Variants in SUOX observed in about 807,000 individuals in gnomAD.
The protein encoded by SUOX is sulfite oxidase.
A neutral mutation model predicts 41.9 loss-of-function variants in SUOX; 39 were observed. The ratio of observed to expected loss-of-function variants is 0.93; its 90% CI spans 0.72 to 1.21. SUOX has a LOEUF of 1.21. Ranked by LOEUF, SUOX falls within the 50% of genes most tolerant of loss-of-function variation. The pLI is 0.00. For synonymous variants in SUOX, 220 were observed against 268.4 expected, an observed-to-expected ratio of 0.82 and a Z score of 1.76; for missense variants, 633 against 689.5, an observed-to-expected ratio of 0.92 and a Z score of 0.92.
At position 56,004,523 on chromosome 12, in the gene SUOX, C is replaced by T. The variant is rs771200056; in HGVS notation, c.1134C>T (p.Val378=). The T allele has an allele frequency of 1.9e-6, 3 of 1,613,988 alleles. No individual in the cohort carries two copies. Residue 378 remains valine, a synonymous_variant, in exon 5 of 5, where the codon GTC becomes GTT. Transcript: ENST00000266971. The surrounding 1 kb of genome is among the most constrained non-coding windows in gnomAD (Gnocchi z 4.5). ...CTGGAGTGGTGGGTGCCCGCCATGTCAAATGGCTGGGCAGAGTGAGTGTGC... is the reference window on the plus strand; with the variant it reads ...CTGGAGTGGTGGGTGCCCGCCATGTTAAATGGCTGGGCAGAGTGAGTGTGC... The part of the protein sequence containing the change: ...VVPGVVGARH[V]KWLGRVSVQP...
intron 2 of SUOX, chr12:55,999,703 G>A (rs1890440555): frequency 6.6e-6 from 1 of 152,224 alleles, no homozygotes. Flanking sequence ...GACCCAAGCG[G>A]GTTGCCACTG....
chr12:56,001,046 A>G (rs1370772744), intron 2 of SUOX, among the ~76,000 whole-genome samples: 1 of 151,276 alleles, frequency 6.6e-6, no homozygotes, highest in Non-Finnish European at 1.5e-5. Context: ...CAGCCTCCCA[A>G]AGTGCTGGGA....
At position 56,002,730 on chromosome 12, in the gene SUOX, G is replaced by T. The variant is rs1890580805; in HGVS notation, c.228+10G>T. 1 of 1,613,780 alleles carries T rather than the reference G, an allele frequency of 6.2e-7. No individual in the cohort carries two copies. Among genetic ancestry groups the T allele is most frequent in the African/African-American group, 1.3e-5 (1 of 74,912 alleles). Reference sequence around the variant, plus strand: ...GGACCATCGGTGTAGGGTAAGTAGGGAAAGTGCTTCATTGTCAGAACAGAC... The same window carrying T: ...GGACCATCGGTGTAGGGTAAGTAGGTAAAGTGCTTCATTGTCAGAACAGAC... On this transcript the variant is annotated intron_variant, in intron 4 of 4. Transcript: ENST00000266971.
chr12:55,997,447 A>G (rs1297388705), intron 1 of SUOX, 108 bp downstream of exon 1: 1 of 152,088 alleles, frequency 6.6e-6, no homozygotes, highest in East Asian at 1.9e-4. Context: ...GGGCAACAAA[A>G]CTATCAGTAC....
At chr12:55,998,210 A>G (rs903516988) in intron 2 of SUOX, among the ~76,000 whole-genome samples, 3 of 152,108 alleles carry the variant, frequency 2.0e-5, no homozygotes, top group African/African-American at 4.8e-5. Flanking sequence ...TCAGTTAGCT[A>G]TGGTCAACCG....
intron 4 of SUOX, chr12:56,003,032 C>CAA (rs34305778): frequency 2.1e-3 from 455 of 217,986 alleles, no homozygotes; most frequent in South Asian, 5.8e-3. Context: ...GACTCCATCT[C>CAA]AAAAAAAAAA....
rs75679657 is a variant in SUOX, at chr12:56,004,563, T to C, written c.1174T>C (p.Tyr392His). 1 of 1,614,188 alleles carries C rather than the reference T, an allele frequency of 6.2e-7. No individual in the cohort carries two copies. The highest frequency in any genetic ancestry group is 8.5e-7 in the Non-Finnish European group (1 of 1,180,022). The change falls in exon 5 of 5, where the codon TAC becomes CAC. Residue 392 changes from tyrosine (Y) to histidine (H), a missense_variant. By Grantham distance (83) the Tyr-to-His change is moderately conservative. Transcript: ENST00000266971. This position sits in a 1 kb window ranked among gnomAD's most constrained non-coding sequence, Gnocchi z 4.5. ...GRVSVQPEES[Y>H]SHWQRRDYKG... ...AGTGAGTGTGCAGCCAGAGGAAAGT[T>C]ACAGCCACTGGCAACGGCGGGATTA... is the stretch of plus-strand genomic sequence containing the variant.
chr12:56,002,751 C>G (rs765311911), intron 4 of SUOX, 31 bp downstream of exon 4: 2 of 1,613,096 alleles, frequency 1.2e-6, no homozygotes, highest in Non-Finnish European at 1.7e-6. Context: ...ATTGTCAGAA[C>G]AGACTGGGTG....
rs1204943226 is a variant in SUOX at position 56,003,625 on chromosome 12, A to G, written c.236A>G (p.Gln79Arg). 1.2e-6 allele frequency: 2 copies of G among 1,614,024 alleles called. No individual in the cohort carries two copies. The highest frequency in any genetic ancestry group is 2.7e-5 in the African/African-American group (2 of 74,928). The stretch of plus-strand genomic sequence containing the variant: ...CTCCTTCCCTGCCAATAGGCTGCTC[A>G]GGAGTCAACACACATATACACTAAG... ...AYQDHRCRAA[Q>R]ESTHIYTKEE... The change falls in exon 5 of 5, where the codon CAG becomes CGG. Residue 79 changes from glutamine (Q) to arginine (R), a missense_variant. Transcript: ENST00000266971.
intron 2 of SUOX, among the ~76,000 whole-genome samples, chr12:55,998,967 C>G (rs1890410658): frequency 6.6e-6 from 1 of 151,868 alleles, no homozygotes; most frequent in African/African-American, 2.4e-5. Context: ...CAGGCACCAC[C>G]ATGCCCAGTT....
At chr12:55,998,121 G>C (rs1890374968) in intron 2 of SUOX, among the ~76,000 whole-genome samples, 1 of 152,140 alleles carries the variant, frequency 6.6e-6, no homozygotes, top group African/African-American at 2.4e-5. Context: ...AATGGAGGGA[G>C]AGTTGGGGAC....
intron 1 of SUOX, 112 bp from the exon 2 acceptor site, chr12:55,997,498 GGGTGT>G (rs1250339233): frequency 3.3e-5 from 5 of 152,334 alleles, no homozygotes; most frequent in African/African-American, 1.2e-4. Context: ...TGAGATCGCG[GGGTGT>G]TGCCGCAAGA....
At chr12:56,002,804 G>A in intron 4 of SUOX, 84 bp downstream of exon 4, 1 of 1,551,706 alleles carries the variant, frequency 6.4e-7, no homozygotes, top group Non-Finnish European at 8.8e-7. Context: ...GGAGGCCAAG[G>A]TGGGTGGGTC....
Position 56,005,313 on chromosome 12 carries a change from A to T in SUOX, c.*286A>T. The T allele has an allele frequency of 3.4e-6, 2 of 589,228 alleles. No individual in the cohort carries two copies. The highest frequency in any genetic ancestry group is 6.0e-6 in the Non-Finnish European group (2 of 330,992). 36.5% of individuals were successfully genotyped at this position (589,228 alleles called of 1,614,324 possible). A position where few individuals can be genotyped will look rare whatever the true frequency, so the allele number is the denominator to read the frequency against. On this transcript the variant is annotated 3_prime_UTR_variant, in exon 5 of 5. Coordinates refer to ENST00000266971, the MANE Select transcript of SUOX (RefSeq NM_001032386.2). ...AAGCACTATTTTCTCTTCCTACCCC[A>T]CCTCCATTTCTAATGCCTACTGCCA...
Position 56,004,415 on chromosome 12 carries a change from T to C in SUOX, c.1026T>C (p.Pro342=). The change falls in exon 5 of 5, where the codon CCT becomes CCC. Residue 342 remains proline (P), a synonymous_variant. Transcript: ENST00000266971. This position sits in a 1 kb window ranked among gnomAD's most constrained non-coding sequence, Gnocchi z 4.5. ...TCCCTCTGGCTCGGGCCATGGACCC[T>C]GAAGCTGAGGTCCTGCTGGCATATG... ...ASIPLARAMD[P]EAEVLLAYEM... 1 of 1,614,008 alleles carries C rather than the reference T, an allele frequency of 6.2e-7. No individual in the cohort carries two copies. The highest frequency in any genetic ancestry group is 8.5e-7 in the Non-Finnish European group (1 of 1,179,890).
Position 56,004,444 on chromosome 12 carries a change from T to C in SUOX, c.1055T>C (p.Met352Thr), listed in dbSNP as rs1463468804. ...PEAEVLLAYEMNGQPLPRDHG... is the reference protein window; with the variant it reads ...PEAEVLLAYETNGQPLPRDHG... ...GCTGAGGTCCTGCTGGCATATGAGA[T>C]GAATGGGCAGCCTCTGCCACGTGAC... is the stretch of plus-strand genomic sequence containing the variant. The change falls in exon 5 of 5, where the codon ATG becomes ACG. Residue 352 changes from methionine to threonine, a missense_variant. Transcript: ENST00000266971. This position sits in a 1 kb window ranked among gnomAD's most constrained non-coding sequence, Gnocchi z 4.5. 1 of 1,613,800 alleles carries C rather than the reference T, an allele frequency of 6.2e-7. No individual in the cohort carries two copies. Among genetic ancestry groups the C allele is most frequent in the Admixed American group, 1.7e-5 (1 of 59,986 alleles).
rs1217148232 is a variant in SUOX at position 56,004,330 on chromosome 12, C to G, written c.941C>G (p.Ala314Gly). The change falls in exon 5 of 5, where the codon GCC becomes GGC. Residue 314 changes from alanine (A) to glycine (G), a missense_variant. By Grantham distance (60) the Ala-to-Gly change is moderately conservative. Coordinates refer to ENST00000266971, the MANE Select transcript of SUOX (RefSeq NM_001032386.2). The surrounding 1 kb of genome is among the most constrained non-coding windows in gnomAD (Gnocchi z 4.5). ...QAGHQLCETEAHVCFEGLDSD... is the reference protein window; with the variant it reads ...QAGHQLCETEGHVCFEGLDSD... ...GGCCACCAACTCTGTGAAACTGAGG[C>G]CCACGTCTGCTTTGAGGGACTGGAC... is the stretch of plus-strand genomic sequence containing the variant. 7 of 1,613,976 alleles carry G rather than the reference C, an allele frequency of 4.3e-6. No individual in the cohort carries two copies. Among genetic ancestry groups the G allele is most frequent in the Non-Finnish European group, 5.9e-6 (7 of 1,180,024 alleles).
chr12:56,004,681 A>G lies in SUOX; in HGVS notation c.1292A>G (p.Glu431Gly). ...CTTCCTGTCCAGTCGGCCATCACAG[A>G]GCCCCGGGATGGAGAGACTGTAGAA... Reference protein sequence around the residue: ...QELPVQSAITEPRDGETVESG... With the variant: ...QELPVQSAITGPRDGETVESG... The change falls in exon 5 of 5, where the codon GAG becomes GGG. Residue 431 changes from glutamate to glycine, a missense_variant. Glu to Gly is a moderately conservative substitution (Grantham distance 98, BLOSUM62 -2). Coordinates refer to ENST00000266971, the MANE Select transcript of SUOX (RefSeq NM_001032386.2). The surrounding 1 kb of genome is among the most constrained non-coding windows in gnomAD (Gnocchi z 4.5). The G allele has an allele frequency of 6.2e-7, 1 of 1,613,826 alleles. No individual in the cohort carries two copies. Among genetic ancestry groups the G allele is most frequent in the Non-Finnish European group, 8.5e-7 (1 of 1,179,794 alleles).
intron 4 of SUOX, 60 bp downstream of exon 4, chr12:56,002,780 A>AT: frequency 6.2e-7 from 1 of 1,604,220 alleles, no homozygotes; most frequent in Non-Finnish European, 8.5e-7. Flanking sequence ...CACGCCTGTT[A>AT]TCCCAGCACT....
Sources: gnomAD v4.1 joint callset for allele counts (sites outside exome capture counted in the v4.1 genomes callset) on GRCh38, gnomAD v4.1.1 for gene constraint, Gnocchi (gnomAD v3.1) non-coding constraint, MANE v1.5 for transcripts, NCBI Gene and HGNC (gene_info 2026-07-23, HGNC 2026-07-21) for gene names.